The following CTNNA3 variants were observed in gnomAD, a reference collection of about 807,000 sequenced individuals.
The protein encoded by CTNNA3 is catenin alpha-3.
A neutral mutation model predicts 95.7 loss-of-function variants in CTNNA3; 76 were observed. The ratio of observed to expected loss-of-function variants is 0.79; its 90% CI spans 0.66 to 0.96. The LOEUF is 0.96. CTNNA3 is among the 40% of genes least tolerant of loss of function. The pLI, the probability that CTNNA3 is intolerant of heterozygous loss-of-function variation, is 0.00. For missense variants in CTNNA3, 1,191 were observed against 1,089.8 expected (o/e 1.09, Z -1.31); for synonymous variants, 431 against 374.4 (o/e 1.15, Z -1.74).
intron 2 of CTNNA3, among the ~76,000 whole-genome samples, chr10:67,636,975 A>C (rs1344599891): frequency 3.3e-5 from 5 of 152,246 alleles, no homozygotes; most frequent in African/African-American, 1.2e-4. Context: ...CTCCAAAGGA[A>C]TGCAGCTCCT....
chr10:66,202,389 A>G (rs941680952), intron 13 of CTNNA3, among the ~76,000 whole-genome samples: 1 of 152,188 alleles, frequency 6.6e-6, no homozygotes, highest in African/African-American at 2.4e-5. Flanking sequence ...AATAAGGCAA[A>G]TGCCAAGGTA....
intron 17 of CTNNA3, among the ~76,000 whole-genome samples, chr10:65,953,817 G>T (rs1361197125): frequency 6.6e-6 from 1 of 152,070 alleles, no homozygotes; most frequent in African/African-American, 2.4e-5. Context: ...CCAAGTCTTT[G>T]CTATTGTGAA....
chr10:67,298,589 G>C (rs950859742), intron 5 of CTNNA3, among the ~76,000 whole-genome samples: 1 of 152,104 alleles, frequency 6.6e-6, no homozygotes, highest in African/African-American at 2.4e-5. Context: ...TGTTCTATTG[G>C]GTATAAAAGA....
At chr10:66,658,436 G>A (rs1219515060) in intron 9 of CTNNA3, among the ~76,000 whole-genome samples, 1 of 152,100 alleles carries the variant, frequency 6.6e-6, no homozygotes, top group Admixed American at 6.5e-5. Flanking sequence ...AAAAAGATAT[G>A]AGAGAATAAA....
chr10:66,482,208 G>A (rs1393865481), intron 11 of CTNNA3, among the ~76,000 whole-genome samples: 1 of 152,150 alleles, frequency 6.6e-6, no homozygotes, highest in African/African-American at 2.4e-5. Flanking sequence ...ACACAGTTGA[G>A]CATATCATAT....
At chr10:67,568,407 C>T (rs1841879510) in intron 3 of CTNNA3, among the ~76,000 whole-genome samples, 1 of 151,768 alleles carries the variant, frequency 6.6e-6, no homozygotes, top group Admixed American at 6.6e-5. Flanking sequence ...ATAGAATTTT[C>T]AATATTGAAC....
intron 7 of CTNNA3, among the ~76,000 whole-genome samples, chr10:66,975,719 C>A (rs906008457): frequency 6.6e-6 from 1 of 152,164 alleles, no homozygotes; most frequent in African/African-American, 2.4e-5. Context: ...TTCGTCCTAT[C>A]TGCAGAGCAG....
intron 1 of CTNNA3, among the ~76,000 whole-genome samples, chr10:67,663,249 CTA>C (rs1338912441): frequency 6.6e-6 from 1 of 152,032 alleles, no homozygotes; most frequent in East Asian, 1.9e-4. Flanking sequence ...GTCAACCTAT[CTA>C]TGTGTTTACA....
At chr10:66,477,880 C>A (rs1001557099) in intron 11 of CTNNA3, among the ~76,000 whole-genome samples, 1 of 152,018 alleles carries the variant, frequency 6.6e-6, no homozygotes, top group Non-Finnish European at 1.5e-5. Flanking sequence ...CATCAACAGG[C>A]CCCAGGGAAA....
At chr10:66,347,663 A>C (rs2132380023) in intron 12 of CTNNA3, among the ~76,000 whole-genome samples, 1 of 152,124 alleles carries the variant, frequency 6.6e-6, no homozygotes, top group South Asian at 2.1e-4. Flanking sequence ...AAATTGAAGA[A>C]ATATATATGT....
intron 7 of CTNNA3, among the ~76,000 whole-genome samples, chr10:66,993,520 T>G (rs1589563623): frequency 6.6e-6 from 1 of 152,116 alleles, no homozygotes; most frequent in East Asian, 1.9e-4. Context: ...TTAGGCTTCT[T>G]CAACACCATT....
At position 66,044,736 on chromosome 10, in the gene CTNNA3, C is replaced by T. The variant is rs544068595; in HGVS notation, c.2159+24572G>A. On this transcript the variant is annotated intron_variant, in intron 15 of 17. Transcript: ENST00000433211. ...AATTTTAAATTCCACACCAGCTCTG[C>T]GCTATGGTTTTTCTCCTGTCTGTTT... Among the ~76,000 whole-genome samples the T allele has an allele frequency of 1.2e-4, 18 of 152,254 alleles. No individual in the cohort carries two copies. The East Asian group carries it at 1.4e-3, about 11-fold the overall frequency.
intron 5 of CTNNA3, among the ~76,000 whole-genome samples, chr10:67,416,142 G>A (rs1845529264): frequency 6.6e-6 from 1 of 151,946 alleles, no homozygotes; most frequent in African/African-American, 2.4e-5. Flanking sequence ...CAAAAATATA[G>A]TGAGAACTAA....
intron 1 of CTNNA3, among the ~76,000 whole-genome samples, chr10:67,667,983 AT>A (rs1404014978): frequency 1.3e-5 from 2 of 152,126 alleles, no homozygotes; most frequent in South Asian, 2.1e-4. Context: ...TCATCCACAC[AT>A]TTTGGAATAT....
At chr10:67,382,417 A>C (rs947319279) in intron 5 of CTNNA3, among the ~76,000 whole-genome samples, 3 of 152,248 alleles carry the variant, frequency 2.0e-5, no homozygotes, top group African/African-American at 7.2e-5. Context: ...CATGTATAAA[A>C]TAAGCAGAAT....
intron 15 of CTNNA3, among the ~76,000 whole-genome samples, chr10:66,036,958 C>T (rs556603453): frequency 3.4e-5 from 5 of 146,392 alleles, no homozygotes; most frequent in East Asian, 2.1e-4. Context: ...CTGCAAGCTC[C>T]GCTTCGTGGG....
chr10:66,277,729 G>A (rs752423041), intron 13 of CTNNA3, among the ~76,000 whole-genome samples: 5 of 152,026 alleles, frequency 3.3e-5, no homozygotes, highest in Admixed American at 6.6e-5. Context: ...AGATAGAGAC[G>A]ATGACCCTCT....
chr10:66,877,279 C>T (rs747409413), intron 7 of CTNNA3, among the ~76,000 whole-genome samples: 1 of 152,136 alleles, frequency 6.6e-6, no homozygotes, highest in Non-Finnish European at 1.5e-5. Flanking sequence ...GTAATGCCAA[C>T]CTCAGAGTTT....
rs569632183 is a variant in CTNNA3 at position 67,729,909 on chromosome 10, C to G, written c.-2+33525G>C. 3.9e-5 allele frequency among the ~76,000 whole-genome samples: 6 copies of G among 152,122 alleles called. No individual in the cohort carries two copies. In the South Asian group the frequency reaches 1.2e-3, roughly 32 times the overall value. ...AATATGTAAAAATAAAAAATAATGG[C>G]AAGAAAACTTTCACAACTTTCAAAA... On this transcript the variant is annotated intron_variant, in intron 1 of 17. Transcript: ENST00000684154.
Sources: gnomAD v4.1 joint callset for allele counts (sites outside exome capture counted in the v4.1 genomes callset) on GRCh38, gnomAD v4.1.1 for gene constraint, MANE v1.5 for transcripts, NCBI Gene and HGNC (gene_info 2026-07-23, HGNC 2026-07-21) for gene names.